The following AIG1 variants were observed in gnomAD, a reference collection of about 807,000 sequenced individuals.
AIG1 encodes the protein androgen induced 1.
In AIG1, 23 loss-of-function variants were observed where a neutral mutation model predicts 31.4. The observed-to-expected ratio is 0.73, with a 90% confidence interval of 0.53 to 1.04. AIG1 has a LOEUF of 1.04. Among genes scored for constraint, AIG1 ranks in the 50% least tolerant of loss-of-function variants. The pLI is 0.00. For missense variants in AIG1, 274 were observed against 295.0 expected, an observed-to-expected ratio of 0.93 and a Z score of 0.52; for synonymous variants, 100 against 110.5, an observed-to-expected ratio of 0.90 and a Z score of 0.60.
intron 3 of AIG1, among the ~76,000 whole-genome samples, chr6:143,282,369 T>C (rs1384432601): frequency 6.6e-6 from 1 of 152,210 alleles, no homozygotes. Context: ...GCTAGCTGTA[T>C]ATTTGAATTT....
At chr6:143,082,125 A>G (rs1778318749) in intron 1 of AIG1, among the ~76,000 whole-genome samples, 2 of 152,210 alleles carry the variant, frequency 1.3e-5, no homozygotes, top group African/African-American at 4.8e-5. Flanking sequence ...ATGGAGGACT[A>G]GGTAAGCATA....
chr6:143,282,016 A>G (rs1009558183), intron 3 of AIG1, among the ~76,000 whole-genome samples: 1 of 152,238 alleles, frequency 6.6e-6, no homozygotes, highest in Non-Finnish European at 1.5e-5. Context: ...TGATTCTCCC[A>G]GATACATCTG....
At chr6:143,264,969 G>A (rs1267823320) in intron 3 of AIG1, among the ~76,000 whole-genome samples, 1 of 152,156 alleles carries the variant, frequency 6.6e-6, no homozygotes, top group Non-Finnish European at 1.5e-5. Flanking sequence ...AGGAGACCAA[G>A]TCCACCCTTT....
intron 3 of AIG1, among the ~76,000 whole-genome samples, chr6:143,219,928 G>A (rs984282210): frequency 3.9e-5 from 6 of 152,170 alleles, no homozygotes; most frequent in South Asian, 2.1e-4. Context: ...ATGTCATGGC[G>A]TTTTCAGAAT....
chr6:143,076,681 T>TTC (rs1317241248), intron 1 of AIG1, among the ~76,000 whole-genome samples: 1 of 151,702 alleles, frequency 6.6e-6, no homozygotes, highest in East Asian at 1.9e-4. Context: ...GAATTTTTTT[T>TTC]TTTTTTTTTG....
At chr6:143,119,227 A>T (rs776839637) in intron 1 of AIG1, among the ~76,000 whole-genome samples, 38 of 152,166 alleles carry the variant, frequency 2.5e-4, no homozygotes, top group Non-Finnish European at 4.6e-4. Context: ...CTATGTGGGG[A>T]TTGTAGATTT....
chr6:143,163,350 G>A (rs1188650853), intron 2 of AIG1, among the ~76,000 whole-genome samples: 3 of 152,162 alleles, frequency 2.0e-5, no homozygotes. Context: ...ACCACTCCTT[G>A]CCAAGTACCA....
chr6:143,232,872 G>A (rs1315569778), intron 3 of AIG1, among the ~76,000 whole-genome samples: 1 of 152,182 alleles, frequency 6.6e-6, no homozygotes, highest in Non-Finnish European at 1.5e-5. Flanking sequence ...ACATGTTTAT[G>A]TGTGGAAGGT....
chr6:143,235,562 C>G (rs2128634688), intron 3 of AIG1, among the ~76,000 whole-genome samples: 1 of 152,252 alleles, frequency 6.6e-6, no homozygotes, highest in Non-Finnish European at 1.5e-5. Context: ...TAAATGCCTC[C>G]CTGGCATGCC....
intron 3 of AIG1, among the ~76,000 whole-genome samples, chr6:143,209,624 C>G (rs1309510467): frequency 3.9e-5 from 6 of 152,132 alleles, no homozygotes; most frequent in Non-Finnish European, 8.8e-5. Flanking sequence ...ATGGATTCTC[C>G]CTTAGAGCTT....
rs143089512 is a variant in AIG1, at chr6:143,268,999, T to G, written c.400-15111T>G. Among the ~76,000 whole-genome samples the G allele has an allele frequency of 5.7e-3, 870 of 152,342 alleles. 9 individuals carry two copies. The highest frequency in any genetic ancestry group is 0.02 in the African/African-American group (824 of 41,568). ...ACCCACTTCCTCTATTAGGGGCAACTCTGAAGGGCAGGGCCTTCACAGCTT... is the reference window on the plus strand; with the variant it reads ...ACCCACTTCCTCTATTAGGGGCAACGCTGAAGGGCAGGGCCTTCACAGCTT... On this transcript the variant is annotated intron_variant, in intron 3 of 5. Transcript: ENST00000357847. This position sits in a 1 kb window ranked among gnomAD's most constrained non-coding sequence, Gnocchi z 5.0.
intron 5 of AIG1, among the ~76,000 whole-genome samples, chr6:143,336,714 G>A (rs1559598): frequency 0.66 from 99,861 of 151,960 alleles, 33,628 homozygotes; most frequent in East Asian, 1. Context: ...ACGTCTTTCA[G>A]ACATCAACTC....
intron 4 of AIG1, among the ~76,000 whole-genome samples, chr6:143,290,815 A>G (rs1185491994): frequency 1.3e-5 from 2 of 152,158 alleles, no homozygotes; most frequent in African/African-American, 2.4e-5. Context: ...TGCTGTAACA[A>G]TAAGTATCTC....
rs1271881704 is a variant in AIG1, at chr6:143,233,302, C to A, written c.400-50808C>A. On this transcript the variant is annotated intron_variant, in intron 3 of 5. Coordinates refer to ENST00000357847, the MANE Select transcript of AIG1 (RefSeq NM_016108.4). Reference sequence around the variant, plus strand: ...AAATTTTTTAATCTAAAATTTTTTACATTTTAAAACCAAGTCCTGAGATTA... The same window carrying A: ...AAATTTTTTAATCTAAAATTTTTTAAATTTTAAAACCAAGTCCTGAGATTA... Among the ~76,000 whole-genome samples, 8 of 152,110 alleles carry A rather than the reference C, an allele frequency of 5.3e-5. No homozygotes were observed. In the East Asian group the frequency reaches 1.5e-3, roughly 29 times the overall value.
chr6:143,178,720 A>G (rs1421963751), intron 3 of AIG1, among the ~76,000 whole-genome samples: 1 of 152,200 alleles, frequency 6.6e-6, no homozygotes, highest in African/African-American at 2.4e-5. Context: ...GGAGGAGGTG[A>G]ATGCTGAGTA....
rs200686128 is a variant in AIG1, at chr6:143,291,654, G to A, written c.515+7429G>A. ...AAGAGGCATCTCAGAACCAGTCCAC[G>A]TCCTCCTCTTCTACTTCAGGGTCTT... On this transcript the variant is annotated intron_variant, in intron 4 of 5. Coordinates refer to ENST00000357847, the MANE Select transcript of AIG1 (RefSeq NM_016108.4). This position sits in a 1 kb window ranked among gnomAD's most constrained non-coding sequence, Gnocchi z 4.2. 8.5e-5 allele frequency among the ~76,000 whole-genome samples: 13 copies of A among 152,104 alleles called. No homozygotes were observed. The East Asian group carries it at 1.2e-3, about 14-fold the overall frequency.
chr6:143,263,283 T>TC (rs1342298562), intron 3 of AIG1, among the ~76,000 whole-genome samples: 14 of 151,798 alleles, frequency 9.2e-5, no homozygotes, highest in African/African-American at 1.7e-4. Context: ...TTGTTTTTTT[T>TC]TTTCTTTCTT....
intron 3 of AIG1, among the ~76,000 whole-genome samples, chr6:143,177,968 T>A (rs1233922192): frequency 6.6e-6 from 1 of 152,176 alleles, no homozygotes; most frequent in Non-Finnish European, 1.5e-5. Context: ...GGGAGCAGGT[T>A]GCCATCAGTG....
chr6:143,170,587 GT>G (rs35615915), intron 3 of AIG1, among the ~76,000 whole-genome samples: 44,696 of 146,810 alleles, frequency 0.3, 6,872 homozygotes, highest in African/African-American at 0.37. Flanking sequence ...AAAAAAACAA[GT>G]TTTTTTTTTT....
Sources: gnomAD v4.1 joint callset for allele counts (sites outside exome capture counted in the v4.1 genomes callset) on GRCh38, gnomAD v4.1.1 for gene constraint, Gnocchi (gnomAD v3.1) non-coding constraint, MANE v1.5 for transcripts, NCBI Gene and HGNC (gene_info 2026-07-23, HGNC 2026-07-21) for gene names.